The following GPHN variants were observed in gnomAD, a reference collection of about 807,000 sequenced individuals.
GPHN encodes gephyrin.
GPHN carries 17 observed loss-of-function variants against 95.5 expected under a neutral mutation model. The observed-to-expected ratio is 0.18, with a 90% CI of 0.12 to 0.27. The LOEUF (loss-of-function observed/expected upper bound fraction) is 0.27. Among genes scored for constraint, GPHN ranks in the 10% least tolerant of loss-of-function variants. The pLI, the probability that GPHN is intolerant of heterozygous loss-of-function variation, is 1.00. For synonymous variants in GPHN, 320 were observed against 322.5 expected (o/e 0.99, Z 0.08); for missense variants, 660 against 978.1 (o/e 0.67, Z 4.34).
At chr14:67,329,577 C>T in the GPHN span, among the ~76,000 whole-genome samples, 23,597 of 152,070 alleles carry the variant, frequency 0.16, 3,461 homozygotes, top group East Asian at 0.42. Context: ...GGAATGCTTC[C>T]AGTTTTTGTC....
At chr14:67,658,626 A>G in the GPHN span, among the ~76,000 whole-genome samples, 1 of 152,206 alleles carries the variant, frequency 6.6e-6, no homozygotes. Context: ...TCTGAAACTC[A>G]TAATTTTAAA....
chr14:66,880,201 A>C (rs1364432606), intron 5 of GPHN, among the ~76,000 whole-genome samples, 168 bp downstream of exon 5: 1 of 150,866 alleles, frequency 6.6e-6, no homozygotes, highest in Non-Finnish European at 1.5e-5. Context: ...ATCATTGTTA[A>C]AAAAAAAAGT....
At chr14:66,781,486 G>A (rs944815919) in intron 3 of GPHN, among the ~76,000 whole-genome samples, 1 of 152,020 alleles carries the variant, frequency 6.6e-6, no homozygotes, top group Non-Finnish European at 1.5e-5. Context: ...CCAAAGTGCT[G>A]GGATTACAGA....
At chr14:67,704,958 A>G in the GPHN span, among the ~76,000 whole-genome samples, 8 of 152,248 alleles carry the variant, frequency 5.3e-5, no homozygotes, top group Non-Finnish European at 1.0e-4. Context: ...GTGCTGGCAC[A>G]TGCACAAAGG....
chr14:67,191,006 G>A, the GPHN span, among the ~76,000 whole-genome samples: 1 of 152,226 alleles, frequency 6.6e-6, no homozygotes, highest in Non-Finnish European at 1.5e-5. Context: ...GGCTGAGGCA[G>A]GTGGATCACC....
At chr14:67,401,283 T>C in the GPHN span, among the ~76,000 whole-genome samples, 2 of 152,010 alleles carry the variant, frequency 1.3e-5, no homozygotes, top group Non-Finnish European at 2.9e-5. Flanking sequence ...GCCCAGGAGT[T>C]TGAGGCCAGC....
intron 9 of GPHN, among the ~76,000 whole-genome samples, chr14:67,014,783 C>G (rs2073207833): frequency 6.6e-6 from 1 of 152,138 alleles, no homozygotes; most frequent in Non-Finnish European, 1.5e-5. Context: ...AAAAATACTT[C>G]ATTTAGCTTT....
At chr14:67,575,463 T>A in the GPHN span, 1 of 1,600,844 alleles carries the variant, frequency 6.2e-7, no homozygotes, top group African/African-American at 1.3e-5. Flanking sequence ...ATCGGAGCCA[T>A]GAGGACAAGG....
intron 1 of GPHN, among the ~76,000 whole-genome samples, chr14:66,587,014 C>G (rs997253922): frequency 5.9e-5 from 9 of 151,896 alleles, no homozygotes; most frequent in African/African-American, 2.2e-4. Context: ...AGAAAAATGA[C>G]AGAAGACTGA....
At chr14:67,189,690 CCTT>C in the GPHN span, 97 of 152,208 alleles carry the variant, frequency 6.4e-4, no homozygotes, top group African/African-American at 2.2e-3. Context: ...TTCCTCTTCT[CCTT>C]CTAGTTTCAT....
the GPHN span, chr14:67,336,524 C>T: frequency 3.1e-6 from 1 of 318,566 alleles, no homozygotes; most frequent in Non-Finnish European, 6.2e-6. Flanking sequence ...TGTTGCTTTA[C>T]ATTGAATTTA....
intron 16 of GPHN, among the ~76,000 whole-genome samples, chr14:67,114,217 C>G (rs1238703675): frequency 2.0e-5 from 3 of 152,158 alleles, no homozygotes; most frequent in African/African-American, 7.2e-5. Context: ...AAAAAACATT[C>G]TTTTCAATTT....
At chr14:67,225,962 T>TGTGTGTGC in the GPHN span, among the ~76,000 whole-genome samples, 781 of 113,432 alleles carry the variant, frequency 6.9e-3, 5 homozygotes, top group Admixed American at 0.011. Context: ...TGTGTGTGTG[T>TGTGTGTGC]GCGCGCGCGC....
intron 1 of GPHN, among the ~76,000 whole-genome samples, chr14:66,576,073 ACC>A (rs888181219): frequency 2.0e-5 from 3 of 151,736 alleles, no homozygotes; most frequent in African/African-American, 7.3e-5. Context: ...GGTCTGCTGG[ACC>A]CTGCCTGGTG....
intron 4 of GPHN, among the ~76,000 whole-genome samples, chr14:66,860,346 G>A (rs948294463): frequency 1.3e-5 from 2 of 151,978 alleles, no homozygotes; most frequent in Admixed American, 1.3e-4. Flanking sequence ...AAGGAAAAAA[G>A]TTTTGCTCTA....
chr14:66,884,249 C>G (rs1036766279), intron 5 of GPHN, among the ~76,000 whole-genome samples: 1 of 151,996 alleles, frequency 6.6e-6, no homozygotes, highest in African/African-American at 2.4e-5. Flanking sequence ...TTAGGCCTAG[C>G]CCCATTAAGA....
chr14:66,714,242 TA>T (rs1217972537), intron 2 of GPHN, among the ~76,000 whole-genome samples: 2 of 152,228 alleles, frequency 1.3e-5, no homozygotes, highest in Non-Finnish European at 2.9e-5. Flanking sequence ...TATTTTATTT[TA>T]TTTTTTTTGC....
the GPHN span, among the ~76,000 whole-genome samples, chr14:67,549,014 G>A: frequency 6.6e-6 from 1 of 152,206 alleles, no homozygotes; most frequent in African/African-American, 2.4e-5. Context: ...TTCAGCTTAA[G>A]TGCCAGTTTC....
intron 1 of GPHN, among the ~76,000 whole-genome samples, chr14:66,568,270 G>C (rs544977161): frequency 1.3e-5 from 2 of 152,198 alleles, no homozygotes; most frequent in African/African-American, 4.8e-5. Context: ...TATTTGATTG[G>C]TTTAGAACAT....
Sources: gnomAD v4.1 joint callset for allele counts (sites outside exome capture counted in the v4.1 genomes callset) on GRCh38, gnomAD v4.1.1 for gene constraint, MANE v1.5 for transcripts, NCBI Gene and HGNC (gene_info 2026-07-23, HGNC 2026-07-21) for gene names.